Variants in EIF2AK2 observed in about 807,000 individuals in gnomAD.
EIF2AK2 encodes eukaryotic translation initiation factor 2 alpha kinase 2.
Under a neutral mutation model 70.5 loss-of-function variants are expected in EIF2AK2, and 40 were observed. The ratio of observed to expected loss-of-function variants is 0.57; its 90% CI spans 0.44 to 0.74. The LOEUF (loss-of-function observed/expected upper bound fraction) is 0.74, where lower values mean the gene tolerates loss of function less well. EIF2AK2 is among the 30% of genes least tolerant of loss of function. The pLI, the probability that EIF2AK2 is intolerant of heterozygous loss-of-function variation, is 0.00. For synonymous variants in EIF2AK2, 198 were observed against 220.9 expected, an observed-to-expected ratio of 0.90 and a Z score of 0.92; for missense variants, 555 against 644.3, an observed-to-expected ratio of 0.86 and a Z score of 1.50.
In EIF2AK2 at chr2:37,103,842, TAAA is replaced by T. The variant is rs989645328; in HGVS notation, c.*3428_*3430del. ...TCTAAATGTTTGTGCATGCATTGCC[TAAA>T]AAAACATTTTTGGCTGGGTGCAGTG... is the stretch of plus-strand genomic sequence containing the variant. On this transcript the variant is annotated 3_prime_UTR_variant, in exon 17 of 17. Transcript: ENST00000233057. 1 of 152,174 alleles carries T rather than the reference TAAA, an allele frequency of 6.6e-6. No homozygotes were observed. The highest frequency in any genetic ancestry group is 2.1e-4 in the South Asian group (1 of 4,830). The allele number at this position is 152,174 out of a possible 1,614,324, so 9.4% of individuals were successfully genotyped here.
In EIF2AK2 at chr2:37,109,206, A is replaced by G. The variant is rs139703307; in HGVS notation, c.1467T>C (p.Phe489=). The G allele has an allele frequency of 1.9e-6, 3 of 1,613,990 alleles. No homozygotes were observed. The highest frequency in any genetic ancestry group is 2.5e-6 in the Non-Finnish European group (3 of 1,179,938). ...GAGATAATTTTACCTTTGATGTTTC[A>G]AAAGCAGTGTCACATACATGAAGAA... ...AELLHVCDTA[F]ETSKFFTDLR... The change falls in exon 15 of 17, where the codon TTT becomes TTC. Residue 489 remains phenylalanine, a synonymous_variant. Coordinates refer to ENST00000233057, the MANE Select transcript of EIF2AK2 (RefSeq NM_001135651.3).
In EIF2AK2 at chr2:37,139,326, A is replaced by C. The variant is rs538371294; in HGVS notation, c.516+305T>G. On this transcript the variant is annotated intron_variant, in intron 6 of 16. Coordinates refer to ENST00000233057, the MANE Select transcript of EIF2AK2 (RefSeq NM_001135651.3). ...CGAGATTCCATCTCAAAAAAAAAAA[A>C]AAAAAAACTCCTGAACTCAGGAGAT... Among the ~76,000 whole-genome samples the C allele has an allele frequency of 5.8e-3, 883 of 151,824 alleles. 4 individuals are homozygous for C. The highest frequency in any genetic ancestry group is 8.4e-3 in the Non-Finnish European group (569 of 67,940).
intron 9 of EIF2AK2, 55 bp from the exon 10 acceptor site, chr2:37,135,601 T>G (rs547782632): frequency 6.8e-7 from 1 of 1,464,176 alleles, no homozygotes; most frequent in East Asian, 2.3e-5. Context: ...CAAATATAAC[T>G]TATTTAGTGT....
rs370854858 is a variant in EIF2AK2 at position 37,110,951 on chromosome 2, A to C, written c.1378-1656T>G. Among the ~76,000 whole-genome samples the C allele has an allele frequency of 5.4e-4, 82 of 152,392 alleles. 1 individual carries two copies. The Middle Eastern group carries it at 0.014, about 25-fold the overall frequency. On this transcript the variant is annotated intron_variant, in intron 14 of 16. Coordinates refer to ENST00000233057, the MANE Select transcript of EIF2AK2 (RefSeq NM_001135651.3). ...AGGACAAACAAAATGTGGTGTATAC[A>C]TACAATGGAATTCATTAGTCAGCCT...
chr2:37,139,565 C>T (rs1413130089), intron 6 of EIF2AK2, 66 bp downstream of exon 6: 24 of 1,577,838 alleles, frequency 1.5e-5, no homozygotes, highest in East Asian at 6.7e-5. Context: ...TTAACACAGT[C>T]TAACCTCAAG....
intron 13 of EIF2AK2, among the ~76,000 whole-genome samples, chr2:37,119,171 A>G (rs868355297): frequency 1.3e-5 from 2 of 152,312 alleles, no homozygotes; most frequent in Middle Eastern, 6.8e-3. Context: ...AATGAGAAGT[A>G]AAAAATAGGG....
rs1674589071 is a variant in EIF2AK2 at position 37,122,454 on chromosome 2, A to G, written c.1067+52T>C. 9 of 1,587,068 alleles carry G rather than the reference A, an allele frequency of 5.7e-6. No individual in the cohort carries two copies. In the East Asian group the frequency reaches 1.8e-4, roughly 32 times the overall value. The stretch of plus-strand genomic sequence containing the variant: ...TTATCCAGTGGCCCATACATAGTAA[A>G]TAACAATTTCCTTCCATCCTATTAT... On this transcript the variant is annotated intron_variant, in intron 12 of 16. Coordinates refer to ENST00000233057, the MANE Select transcript of EIF2AK2 (RefSeq NM_001135651.3).
At chr2:37,138,415 AT>A in intron 7 of EIF2AK2, 52 bp from the exon 8 acceptor site, 2 of 1,598,972 alleles carry the variant, frequency 1.3e-6, no homozygotes, top group Non-Finnish European at 1.7e-6. Context: ...TTTATCACTT[AT>A]TTCTTTCCCT....
At chr2:37,151,802 G>C (rs1010261425) in intron 1 of EIF2AK2, among the ~76,000 whole-genome samples, 1 of 152,264 alleles carries the variant, frequency 6.6e-6, no homozygotes, top group Non-Finnish European at 1.5e-5. Context: ...GGATAGGCCA[G>C]GCGCCGTGGC....
At chr2:37,130,058 G>A (rs1029925607) in intron 10 of EIF2AK2, among the ~76,000 whole-genome samples, 1 of 152,130 alleles carries the variant, frequency 6.6e-6, no homozygotes. Flanking sequence ...GGACTATGGG[G>A]ACTCAAGTCC....
In EIF2AK2 at chr2:37,147,816, C is replaced by A. The variant is rs1033250565; in HGVS notation, c.-10G>T. On this transcript the variant is annotated 5_prime_UTR_variant, in exon 3 of 17. Transcript: ENST00000233057. ...AAAGATCACCAGCCATTTCTTCTTC[C>A]CGTATCCTACAATGGAAGAGACATT... The A allele has an allele frequency of 5.7e-6, 9 of 1,590,422 alleles. No individual in the cohort carries two copies. The highest frequency in any genetic ancestry group is 1.7e-5 in the Admixed American group (1 of 59,776).
chr2:37,120,605 C>T (rs1311380098), intron 12 of EIF2AK2, among the ~76,000 whole-genome samples: 1 of 148,700 alleles, frequency 6.7e-6, no homozygotes, highest in Non-Finnish European at 1.5e-5. Flanking sequence ...ATATAATAGG[C>T]CATTTTTTAT....
intron 6 of EIF2AK2, 22 bp from the exon 7 acceptor site, chr2:37,138,607 A>T: frequency 6.2e-7 from 1 of 1,609,142 alleles, no homozygotes; most frequent in Non-Finnish European, 8.5e-7. Flanking sequence ...AGTATCCCTT[A>T]GTAGGCTTAA....
At chr2:37,147,964 T>G (rs890289571) in intron 2 of EIF2AK2, 142 bp from the exon 3 acceptor site, 2 of 504,832 alleles carry the variant, frequency 4.0e-6, no homozygotes, top group Admixed American at 6.1e-5. Context: ...TGCAGAGACT[T>G]TCTTTCAAAA....
intron 1 of EIF2AK2, among the ~76,000 whole-genome samples, chr2:37,154,671 C>T (rs1434016401): frequency 6.6e-6 from 1 of 152,094 alleles, no homozygotes; most frequent in African/African-American, 2.4e-5. Flanking sequence ...AGCGATTCTC[C>T]TGCCTCAGCA....
intron 7 of EIF2AK2, 38 bp downstream of exon 7, chr2:37,138,471 G>T (rs1675205717): frequency 6.2e-7 from 1 of 1,607,188 alleles, no homozygotes; most frequent in Non-Finnish European, 8.5e-7. Context: ...ACAGAAATAT[G>T]AATATGTTAA....
chr2:37,130,899 G>A (rs1014491127), intron 10 of EIF2AK2, among the ~76,000 whole-genome samples: 1 of 152,136 alleles, frequency 6.6e-6, no homozygotes. Flanking sequence ...CTGAATGTGG[G>A]TACCAGATAT....
intron 10 of EIF2AK2, among the ~76,000 whole-genome samples, chr2:37,133,650 T>G (rs1675026338): frequency 6.6e-6 from 1 of 152,212 alleles, no homozygotes; most frequent in Non-Finnish European, 1.5e-5. Flanking sequence ...GCCTCTCTTG[T>G]GTCTCCACAG....
intron 1 of EIF2AK2, among the ~76,000 whole-genome samples, chr2:37,152,566 C>A (rs1675780606): frequency 6.6e-6 from 1 of 152,124 alleles, no homozygotes; most frequent in South Asian, 2.1e-4. Context: ...CAGGTGTGGG[C>A]CACCACGCCT....
Sources: gnomAD v4.1 joint callset for allele counts (sites outside exome capture counted in the v4.1 genomes callset) on GRCh38, gnomAD v4.1.1 for gene constraint, MANE v1.5 for transcripts, NCBI Gene and HGNC (gene_info 2026-07-23, HGNC 2026-07-21) for gene names.